The following MAP3K7 variants were observed in gnomAD, a reference collection of about 807,000 sequenced individuals.
MAP3K7 encodes TGF-beta activated kinase 1.
A neutral mutation model predicts 84.8 loss-of-function variants in MAP3K7; 21 were observed. The observed-to-expected ratio is 0.25, with a 90% confidence interval of 0.18 to 0.36. MAP3K7 has a LOEUF of 0.36. Ranked by LOEUF, MAP3K7 falls within the 10% of genes least tolerant of loss-of-function variation. The pLI, the probability that MAP3K7 is intolerant of heterozygous loss-of-function variation, is 1.00. For synonymous variants in MAP3K7, 241 were observed against 247.7 expected (o/e 0.97, Z 0.25); for missense variants, 503 against 747.7 (o/e 0.67, Z 3.82).
At chr6:90,577,517 G>C (rs539184414) in intron 1 of MAP3K7, among the ~76,000 whole-genome samples, 9 of 152,298 alleles carry the variant, frequency 5.9e-5, no homozygotes, top group African/African-American at 2.2e-4. Flanking sequence ...TGGAGTAGAG[G>C]AACTGAGCTT....
rs1777490971 is a variant in MAP3K7, at chr6:90,587,057, C to A, written c.-174G>T. The A allele has an allele frequency of 9.6e-6, 7 of 731,078 alleles. No individual in the cohort carries two copies. The highest frequency in any genetic ancestry group is 5.6e-5 in the African/African-American group (3 of 53,292). 45.3% of individuals were successfully genotyped at this position (731,078 alleles called of 1,614,324 possible). A position where few individuals can be genotyped will look rare whatever the true frequency, so the allele number is the denominator to read the frequency against. ...CCACAGCCGTGTCCGGCTCTGGCTC[C>A]GCTGCGTTTTCCGCCGACGGGCCCC... On this transcript the variant is annotated 5_prime_UTR_variant, in exon 1 of 17. Coordinates refer to ENST00000369329, the MANE Select transcript of MAP3K7 (RefSeq NM_145331.3).
chr6:90,583,264 A>G (rs1204560146), intron 1 of MAP3K7, among the ~76,000 whole-genome samples: 2 of 152,220 alleles, frequency 1.3e-5, no homozygotes, highest in East Asian at 3.9e-4. Flanking sequence ...TACACTAAAA[A>G]GGAAATCAGT....
chr6:90,559,211 A>T (rs1400542681), intron 5 of MAP3K7, among the ~76,000 whole-genome samples: 1 of 152,228 alleles, frequency 6.6e-6, no homozygotes, highest in Non-Finnish European at 1.5e-5. Context: ...AGTGATTCTA[A>T]GAGTTGGAAC....
At chr6:90,576,549 C>T (rs969724195) in intron 1 of MAP3K7, among the ~76,000 whole-genome samples, 1 of 151,756 alleles carries the variant, frequency 6.6e-6, no homozygotes, top group Non-Finnish European at 1.5e-5. Context: ...ATATGTGAGC[C>T]CAATCTAAGG....
At chr6:90,575,603 C>T (rs1012949773) in intron 1 of MAP3K7, among the ~76,000 whole-genome samples, 3 of 152,108 alleles carry the variant, frequency 2.0e-5, no homozygotes, top group Non-Finnish European at 4.4e-5. Context: ...AGTAAGGAGT[C>T]TTCTGATTGC....
chr6:90,557,011 T>C (rs1776358004), intron 5 of MAP3K7, among the ~76,000 whole-genome samples: 3 of 151,754 alleles, frequency 2.0e-5, no homozygotes, highest in African/African-American at 7.3e-5. Flanking sequence ...ACTTAAAAAA[T>C]AGTAACACTA....
chr6:90,569,516 T>C (rs565435709), intron 2 of MAP3K7, among the ~76,000 whole-genome samples: 1 of 152,280 alleles, frequency 6.6e-6, no homozygotes, highest in Admixed American at 6.5e-5. Context: ...GGTTTTGCTC[T>C]GTTACCCATG....
intron 1 of MAP3K7, 90 bp from the exon 2 acceptor site, chr6:90,571,897 A>G (rs943136689): frequency 1.8e-6 from 1 of 565,882 alleles, no homozygotes; most frequent in Non-Finnish European, 2.9e-6. Flanking sequence ...ACTAAAGTCA[A>G]TCTTTAAGAC....
At chr6:90,523,531 A>G (rs1489329475) in intron 14 of MAP3K7, 147 bp downstream of exon 14, 3 of 481,590 alleles carry the variant, frequency 6.2e-6, no homozygotes, top group African/African-American at 5.8e-5. Context: ...TGGTATTTTA[A>G]CATGTATTAC....
rs1346751087 is a variant in MAP3K7, at chr6:90,514,949, C to G, written c.*1552G>C. 2 of 151,946 alleles carry G rather than the reference C, an allele frequency of 1.3e-5. No homozygotes were observed. Among genetic ancestry groups the G allele is most frequent in the East Asian group, 3.8e-4 (2 of 5,196 alleles). 9.4% of individuals were successfully genotyped at this position (151,946 alleles called of 1,614,324 possible). On this transcript the variant is annotated 3_prime_UTR_variant, in exon 17 of 17. Transcript: ENST00000369329. ...TAGCTTTTGAAGAAGCTAAAAATAA[C>G]AGTTTAGTATTCACCTGTATTGCTT...
chr6:90,558,767 T>C (rs1776415727), intron 5 of MAP3K7, among the ~76,000 whole-genome samples: 2 of 152,336 alleles, frequency 1.3e-5, no homozygotes, highest in Admixed American at 6.5e-5. Flanking sequence ...GACTTCCTTT[T>C]GTAAGATATT....
At position 90,560,006 on chromosome 6, in the gene MAP3K7, T is replaced by G. The variant is rs528291304; in HGVS notation, c.482+70A>C. The G allele has an allele frequency of 6.5e-5, 100 of 1,549,752 alleles. No homozygotes were observed. In the African/African-American group the frequency reaches 1.3e-3, roughly 20 times the overall value. On this transcript the variant is annotated intron_variant, in intron 5 of 16. Transcript: ENST00000369329. ...ACAATAATGAGCTTGAATTAGAGAG[T>G]GGGTTCGGGGTGGTGAGAGTGAGAG...
intron 3 of MAP3K7, among the ~76,000 whole-genome samples, chr6:90,567,296 A>C (rs1776741366): frequency 6.6e-6 from 1 of 152,152 alleles, no homozygotes; most frequent in African/African-American, 2.4e-5. Context: ...ATGGGAGAAA[A>C]TTTTTGCAAT....
At chr6:90,547,184 T>C (rs1320844837) in intron 11 of MAP3K7, 74 bp downstream of exon 11, 8 of 1,547,062 alleles carry the variant, frequency 5.2e-6, no homozygotes, top group Admixed American at 2.0e-5. Flanking sequence ...CAAAAAACCT[T>C]TGACAACTGA....
chr6:90,536,199 T>A, intron 13 of MAP3K7, 138 bp downstream of exon 13: 1 of 596,350 alleles, frequency 1.7e-6, no homozygotes, highest in Non-Finnish European at 3.0e-6. Flanking sequence ...CCCCTAAGTA[T>A]TTAAGTTCAG....
intron 1 of MAP3K7, among the ~76,000 whole-genome samples, chr6:90,582,934 G>T (rs1335878749): frequency 1.3e-5 from 2 of 149,518 alleles, no homozygotes; most frequent in African/African-American, 5.0e-5. Flanking sequence ...CCAGGCTAGG[G>T]TGCGGTGGCA....
intron 9 of MAP3K7, among the ~76,000 whole-genome samples, chr6:90,549,696 AATG>A (rs1776121413): frequency 6.6e-6 from 1 of 152,128 alleles, no homozygotes; most frequent in Non-Finnish European, 1.5e-5. Context: ...GGGAGACACA[AATG>A]ATAGAATTTT....
chr6:90,560,890 A>C (rs955327192), intron 4 of MAP3K7, among the ~76,000 whole-genome samples: 2 of 151,906 alleles, frequency 1.3e-5, no homozygotes, highest in Non-Finnish European at 2.9e-5. Flanking sequence ...AGAACAGTAC[A>C]GAAAGAAACA....
chr6:90,548,173 T>C lies in MAP3K7; in HGVS notation c.954A>G (p.Ser318=), dbSNP rs376155900. The C allele has an allele frequency of 5.0e-6, 8 of 1,608,268 alleles. No homozygotes were observed. The African/African-American group carries it at 6.7e-5, about 13-fold the overall frequency. The stretch of plus-strand genomic sequence containing the variant: ...TATTTGTAGAAGCAATGTCCATGAA[T>C]GAGCCTAGGAAAAGCAGAAACATTT... ...GQSNSATSTG[S]FMDIASTNTS... Residue 318 remains serine (S), a synonymous_variant, in exon 10 of 17, where the codon TCA becomes TCG. Transcript: ENST00000369329.
Sources: gnomAD v4.1 joint callset for allele counts (sites outside exome capture counted in the v4.1 genomes callset) on GRCh38, gnomAD v4.1.1 for gene constraint, MANE v1.5 for transcripts, NCBI Gene and HGNC (gene_info 2026-07-23, HGNC 2026-07-21) for gene names.